The following PSMA3 variants were observed in gnomAD, a reference collection of about 807,000 sequenced individuals.
PSMA3 encodes the protein proteasome subunit alpha type-3.
In PSMA3, 8 loss-of-function variants were observed where a neutral mutation model predicts 40.0. That is an observed-to-expected ratio of 0.20 (90% CI 0.12 to 0.36). The LOEUF (loss-of-function observed/expected upper bound fraction) is 0.36, where lower values mean the gene tolerates loss of function less well. PSMA3 is among the 10% of genes least tolerant of loss of function. The probability of loss-of-function intolerance (pLI) is 1.00; values close to 1 mark genes in which losing one functional copy is unlikely to be tolerated. For synonymous variants in PSMA3, 110 were observed against 100.0 expected, an observed-to-expected ratio of 1.10 and a Z score of -0.59; for missense variants, 219 against 310.6, an observed-to-expected ratio of 0.70 and a Z score of 2.22.
At chr14:58,255,003 C>A (rs1010045840) in intron 3 of PSMA3, among the ~76,000 whole-genome samples, 2 of 152,058 alleles carry the variant, frequency 1.3e-5, no homozygotes, top group African/African-American at 4.8e-5. Flanking sequence ...ATTGTGATAC[C>A]ACTTTTAAAT....
At chr14:58,256,309 C>G (rs939186885) in intron 3 of PSMA3, among the ~76,000 whole-genome samples, 1 of 151,980 alleles carries the variant, frequency 6.6e-6, no homozygotes, top group East Asian at 1.9e-4. Context: ...TTGGGACCAG[C>G]AGTATATCGG....
At position 58,270,986 on chromosome 14, in the gene PSMA3, G is replaced by A. The variant is rs763924965; in HGVS notation, c.711G>A (p.Glu237=). 3.7e-6 allele frequency: 6 copies of A among 1,607,398 alleles called. No homozygotes were observed. The South Asian group carries it at 6.6e-5, about 18-fold the overall frequency. ...CAAAAGATATAAGAGAAGAAGCAGA[G>A]AAATATGCTAAGGTAAGCCACAGCA... ...IVPKDIREEA[E]KYAKESLKEE... Residue 237 remains glutamate, a synonymous_variant, in exon 10 of 11, where the codon GAG becomes GAA. Transcript: ENST00000216455.
chr14:58,253,804 G>A (rs1038269153), intron 3 of PSMA3, among the ~76,000 whole-genome samples: 19 of 152,136 alleles, frequency 1.2e-4, no homozygotes, highest in Admixed American at 2.0e-4. Flanking sequence ...ATGTTGGTCA[G>A]GCTGGTCTCG....
intron 6 of PSMA3, among the ~76,000 whole-genome samples, chr14:58,263,201 T>C (rs35572340): frequency 6.6e-6 from 1 of 151,990 alleles, no homozygotes; most frequent in African/African-American, 2.4e-5. Flanking sequence ...GCCAGGCCGG[T>C]CTCCAACTCC....
intron 7 of PSMA3, 106 bp from the exon 8 acceptor site, chr14:58,267,368 T>G: frequency 7.8e-7 from 1 of 1,284,902 alleles, no homozygotes; most frequent in Non-Finnish European, 9.9e-7. Flanking sequence ...TTTTCAGACT[T>G]TAGGTTATTT....
At chr14:58,263,005 T>G (rs542270351) in intron 6 of PSMA3, among the ~76,000 whole-genome samples, 1 of 143,770 alleles carries the variant, frequency 7.0e-6, no homozygotes, top group East Asian at 2.0e-4. Flanking sequence ...TTTTTTTTGA[T>G]GGAGTCTCAC....
chr14:58,247,334 G>C (rs891495491), intron 1 of PSMA3, among the ~76,000 whole-genome samples: 1 of 152,114 alleles, frequency 6.6e-6, no homozygotes, highest in African/African-American at 2.4e-5. Context: ...TTTGTATTCC[G>C]TATAGTAACA....
At chr14:58,250,604 T>C (rs1889988920) in intron 2 of PSMA3, among the ~76,000 whole-genome samples, 2 of 152,222 alleles carry the variant, frequency 1.3e-5, no homozygotes, top group African/African-American at 2.4e-5. Context: ...ACCTAAAGTG[T>C]TGGGGAAGGA....
chr14:58,259,404 T>C (rs1594828613), intron 5 of PSMA3, among the ~76,000 whole-genome samples: 1 of 152,220 alleles, frequency 6.6e-6, no homozygotes. Flanking sequence ...AACCTCTGCC[T>C]CCCGGGTTCA....
intron 3 of PSMA3, 37 bp downstream of exon 3, chr14:58,252,279 C>G: frequency 1.3e-6 from 2 of 1,589,062 alleles, no homozygotes; most frequent in Non-Finnish European, 1.7e-6. Context: ...TTTGTCTTGT[C>G]CAATTTCTTT....
At chr14:58,250,392 A>C (rs996651111) in intron 2 of PSMA3, among the ~76,000 whole-genome samples, 2 of 152,138 alleles carry the variant, frequency 1.3e-5, no homozygotes, top group Non-Finnish European at 2.9e-5. Context: ...AATTCATTTA[A>C]ATAGGCAGTA....
At chr14:58,267,666 T>C (rs1049716142) in intron 8 of PSMA3, 146 bp downstream of exon 8, 2 of 1,242,652 alleles carry the variant, frequency 1.6e-6, no homozygotes, top group South Asian at 2.8e-5. Context: ...CTAAGAAGCC[T>C]CACGAAGGAA....
intron 2 of PSMA3, 57 bp downstream of exon 2, chr14:58,247,889 G>T: frequency 8.1e-7 from 1 of 1,234,054 alleles, no homozygotes; most frequent in South Asian, 1.4e-5. Flanking sequence ...TATTTTTGGC[G>T]ATTAGGCTTT....
chr14:58,265,664 T>A (rs1890417527), intron 7 of PSMA3: 1 of 152,242 alleles, frequency 6.6e-6, no homozygotes, highest in Non-Finnish European at 1.5e-5. Context: ...ATGGTCTGTT[T>A]ACTAAAAAAT....
chr14:58,257,513 A>C (rs979228519), intron 3 of PSMA3, among the ~76,000 whole-genome samples: 10 of 152,066 alleles, frequency 6.6e-5, no homozygotes, highest in Non-Finnish European at 1.2e-4. Context: ...AAAAAAAGGA[A>C]ATGTCCTGAA....
At chr14:58,259,427 G>T (rs1347208363) in intron 5 of PSMA3, among the ~76,000 whole-genome samples, 1 of 152,038 alleles carries the variant, frequency 6.6e-6, no homozygotes. Flanking sequence ...CTATTCTCCT[G>T]CCTCAACCTC....
intron 5 of PSMA3, 200 bp downstream of exon 5, chr14:58,258,198 G>A (rs1890191116): frequency 4.0e-6 from 2 of 498,764 alleles, no homozygotes; most frequent in Admixed American, 3.1e-5. Flanking sequence ...AGTACTTTGG[G>A]AGGTTGAGGT....
chr14:58,258,288 AAT>A (rs1474036115), intron 5 of PSMA3: 1 of 281,714 alleles, frequency 3.5e-6, no homozygotes, highest in Non-Finnish European at 6.8e-6. Context: ...AAAAATTTAA[AAT>A]TTAGCCAGGT....
At chr14:58,270,593 G>T (rs1417827906) in intron 9 of PSMA3, 108 bp downstream of exon 9, 4 of 1,539,596 alleles carry the variant, frequency 2.6e-6, no homozygotes, top group Non-Finnish European at 3.5e-6. Flanking sequence ...AATTTACTAG[G>T]TTGTCTAATG....
Sources: allele counts gnomAD v4.1 joint callset (sites outside exome capture counted in the v4.1 genomes callset), GRCh38; gene constraint gnomAD v4.1.1; transcripts MANE v1.5; gene names NCBI Gene and HGNC (gene_info 2026-07-23, HGNC 2026-07-21).